SPTAN1: variants seen among roughly 807,000 people sequenced by gnomAD.
SPTAN1 encodes the protein spectrin alpha chain, non-erythrocytic 1.
A neutral mutation model predicts 331.3 loss-of-function variants in SPTAN1; 61 were observed. That is an observed-to-expected ratio of 0.18 (90% CI 0.15 to 0.23). The LOEUF is 0.23. SPTAN1 is among the 10% of genes least tolerant of loss of function. The pLI, the probability that SPTAN1 is intolerant of heterozygous loss-of-function variation, is 1.00. For missense variants in SPTAN1, 2,043 were observed against 3,147.9 expected (o/e 0.65, Z 8.40); for synonymous variants, 1,153 against 1,173.9 (o/e 0.98, Z 0.36).
chr9:128,563,110 A>T (rs1450901056), intron 1 of SPTAN1, among the ~76,000 whole-genome samples: 1 of 150,878 alleles, frequency 6.6e-6, no homozygotes. Flanking sequence ...TAAGGACTTG[A>T]CGTCTGTTTT....
chr9:128,591,604 G>A lies in SPTAN1; in HGVS notation c.3134G>A (p.Arg1045Gln), dbSNP rs368406599. ...LLEEQGSIAL[R>Q]QEQIDNQTRI... is the part of the protein sequence containing the mutation. ...GAGGAGCAAGGCAGCATAGCACTGC[G>A]GCAGGAGCAGATTGACAATCAGTAA... Residue 1045 changes from arginine (R) to glutamine (Q), a missense_variant, in exon 22 of 57, where the codon CGG becomes CAG. By Grantham distance (43) the Arg-to-Gln change is conservative. This residue lies in a region of SPTAN1 where 1,038 missense variants were observed against 1,531.5 expected (regional missense o/e 0.68). Coordinates refer to ENST00000372739, the MANE Select transcript of SPTAN1 (RefSeq NM_001130438.3). 3.3e-5 allele frequency: 53 copies of A among 1,614,028 alleles called. No individual in the cohort carries two copies. Among genetic ancestry groups the A allele is most frequent in the African/African-American group, 5.3e-5 (4 of 74,942 alleles).
intron 34 of SPTAN1, 121 bp from the exon 35 acceptor site, chr9:128,608,753 C>T: frequency 1.1e-6 from 1 of 949,828 alleles, no homozygotes; most frequent in Admixed American, 1.7e-5. Context: ...TCAGTGTATT[C>T]TGATCCTGCC....
At chr9:128,602,276 A>C (rs1589285764) in intron 27 of SPTAN1, among the ~76,000 whole-genome samples, 1 of 148,754 alleles carries the variant, frequency 6.7e-6, no homozygotes, top group Admixed American at 6.7e-5. Flanking sequence ...GAGTGCAGTA[A>C]CGTGATCTCA....
At chr9:128,584,865 C>A (rs1852377770) in intron 18 of SPTAN1, 22 bp downstream of exon 18, 2 of 1,614,172 alleles carry the variant, frequency 1.2e-6, no homozygotes, top group Non-Finnish European at 1.7e-6. Flanking sequence ...GTATCAGTGA[C>A]ATGGCTTGGT....
rs961059276 is a variant in SPTAN1, at chr9:128,608,237, C to A, written c.4452C>A (p.Ile1484=). The A allele has an allele frequency of 6.2e-7, 1 of 1,614,088 alleles. No homozygotes were observed. The highest frequency in any genetic ancestry group is 8.5e-7 in the Non-Finnish European group (1 of 1,180,010). Residue 1484 remains isoleucine (I), a synonymous_variant, in exon 34 of 57, where the codon ATC becomes ATA. Transcript: ENST00000372739. ...CACTGGACAGCGTAGAGGCTCTGAT[C>A]AAAAAACATGAAGACTTTGACAAAG... is the stretch of plus-strand genomic sequence containing the variant. ...GDSLDSVEAL[I]KKHEDFDKAI...
At chr9:128,559,162 A>C (rs1044274352) in intron 1 of SPTAN1, among the ~76,000 whole-genome samples, 1 of 152,124 alleles carries the variant, frequency 6.6e-6, no homozygotes, top group Non-Finnish European at 1.5e-5. Flanking sequence ...CAGCTGATCT[A>C]CTGCAGGAAA....
intron 21 of SPTAN1, 111 bp from the exon 22 acceptor site, chr9:128,591,366 G>C (rs556696621): frequency 1.4e-6 from 2 of 1,461,474 alleles, no homozygotes; most frequent in East Asian, 2.3e-5. Flanking sequence ...GTGGCCGGCC[G>C]TTTTGGACCT....
At chr9:128,617,609 C>T in intron 41 of SPTAN1, 31 bp from the exon 42 acceptor site, 1 of 1,614,030 alleles carries the variant, frequency 6.2e-7, no homozygotes, top group East Asian at 2.2e-5. Context: ...GGTGCAGAGA[C>T]TGACTGTGCT....
Position 128,629,189 on chromosome 9 carries a change from T to C in SPTAN1, c.6708-1132T>C. 2.5e-6 allele frequency: 1 copy of C among 398,454 alleles called. No homozygotes were observed. 24.7% of individuals were successfully genotyped at this position (398,454 alleles called of 1,614,324 possible). A position where few individuals can be genotyped will look rare whatever the true frequency, so the allele number is the denominator to read the frequency against. ...AGTTGGGGATGATCTGTCTGGAAGGTTTTTCTCCTTATTTCTCTTCTTACC... is the reference window on the plus strand; with the variant it reads ...AGTTGGGGATGATCTGTCTGGAAGGCTTTTCTCCTTATTTCTCTTCTTACC... On this transcript the variant is annotated intron_variant, in intron 51 of 56. Coordinates refer to ENST00000372739, the MANE Select transcript of SPTAN1 (RefSeq NM_001130438.3). The surrounding 1 kb of genome is among the most constrained non-coding windows in gnomAD (Gnocchi z 4.9).
chr9:128,623,087 C>T (rs1329250537), intron 45 of SPTAN1, among the ~76,000 whole-genome samples: 2 of 150,264 alleles, frequency 1.3e-5, no homozygotes, highest in African/African-American at 4.9e-5. Flanking sequence ...TGGAGTCTTG[C>T]TCTTGTCGCC....
At chr9:128,594,892 G>A (rs1277586552) in intron 24 of SPTAN1, among the ~76,000 whole-genome samples, 2 of 143,754 alleles carry the variant, frequency 1.4e-5, no homozygotes, top group Non-Finnish European at 3.0e-5. Context: ...GCAATGGTGC[G>A]ATCTCGGCTC....
In SPTAN1 at chr9:128,633,201, C is replaced by T. The variant is rs1860109562; in HGVS notation, c.7309-8C>T. On this transcript the variant is annotated splice_polypyrimidine_tract_variant and splice_region_variant and intron_variant, in intron 56 of 56. Transcript: ENST00000372739. ...CTCAGGCACCAGGTGCCATCTCTTA[C>T]CCCACAGAACCTGACCCGGGAACAA... is the stretch of plus-strand genomic sequence containing the variant. 2 of 1,614,000 alleles carry T rather than the reference C, an allele frequency of 1.2e-6. No homozygotes were observed. Among genetic ancestry groups the T allele is most frequent in the East Asian group, 2.2e-5 (1 of 44,880 alleles).
intron 31 of SPTAN1, among the ~76,000 whole-genome samples, chr9:128,606,909 AACATT>A (rs1324542288): frequency 6.6e-6 from 1 of 152,142 alleles, no homozygotes; most frequent in Non-Finnish European, 1.5e-5. Context: ...CTAGTTTTGG[AACATT>A]TTCATTGCCC....
intron 37 of SPTAN1, 22 bp from the exon 38 acceptor site, chr9:128,611,692 A>C: frequency 1.9e-6 from 3 of 1,613,542 alleles, no homozygotes; most frequent in Middle Eastern, 3.3e-4. Context: ...TGGTTTGGAA[A>C]AAATTTTTTT....
chr9:128,586,017 G>A (rs755016797), intron 19 of SPTAN1, 52 bp downstream of exon 19: 2 of 1,527,474 alleles, frequency 1.3e-6, no homozygotes, highest in South Asian at 1.1e-5. Flanking sequence ...AACAGGGCTT[G>A]TACTGAGAAG....
Position 128,591,531 on chromosome 9 carries a change from G to A in SPTAN1, c.3061G>A (p.Val1021Met), listed in dbSNP as rs756893011. The change falls in exon 22 of 57, where the codon GTG becomes ATG. Residue 1021 changes from valine to methionine, a missense_variant. Transcript: ENST00000372739. ...TCAGGGTTTTGTGCCGGCTGCGTACGTGAAGAAATTGGACCCCGCCCAGTC... is the reference window on the plus strand; with the variant it reads ...TCAGGGTTTTGTGCCGGCTGCGTACATGAAGAAATTGGACCCCGCCCAGTC... ...DRQGFVPAAY[V>M]KKLDPAQSAS... The A allele has an allele frequency of 6.8e-6, 11 of 1,614,052 alleles. No individual in the cohort carries two copies. Among genetic ancestry groups the A allele is most frequent in the South Asian group, 4.4e-5 (4 of 91,082 alleles).
chr9:128,554,375 G>A (rs1848428914), intron 1 of SPTAN1, among the ~76,000 whole-genome samples: 1 of 152,210 alleles, frequency 6.6e-6, no homozygotes, highest in African/African-American at 2.4e-5. Flanking sequence ...TATGTCACAG[G>A]CTGCAGTGTA....
intron 2 of SPTAN1, 106 bp downstream of exon 2, chr9:128,567,083 CAAG>C: frequency 6.7e-7 from 1 of 1,492,364 alleles, no homozygotes; most frequent in African/African-American, 1.4e-5. Flanking sequence ...AGAGATTGGA[CAAG>C]AAGAATATAA....
rs541991860 is a variant in SPTAN1, at chr9:128,625,247, T to A, written c.6069+68T>A. On this transcript the variant is annotated intron_variant, in intron 47 of 56. Transcript: ENST00000372739. This position sits in a 1 kb window ranked among gnomAD's most constrained non-coding sequence, Gnocchi z 4.1. ...CATCTGTGAGATGACTGGTGGCGTC[T>A]TTCACTGAGGCATTTATCTTCTGTT... 45 of 1,487,808 alleles carry A rather than the reference T, an allele frequency of 3.0e-5. No individual in the cohort carries two copies. In the Middle Eastern group the frequency reaches 5.3e-4, roughly 17 times the overall value. 92.2% of individuals were successfully genotyped at this position (1,487,808 alleles called of 1,614,324 possible). A position where few individuals can be genotyped will look rare whatever the true frequency, so the allele number is the denominator to read the frequency against.
Sources: gnomAD v4.1 joint callset for allele counts (sites outside exome capture counted in the v4.1 genomes callset) on GRCh38, gnomAD v4.1.1 for gene constraint, gnomAD v4.1.1 regional missense constraint, Gnocchi (gnomAD v3.1) non-coding constraint, MANE v1.5 for transcripts, NCBI Gene and HGNC (gene_info 2026-07-23, HGNC 2026-07-21) for gene names.